The following KCTD8 variants were observed in gnomAD, a reference collection of about 807,000 sequenced individuals.
KCTD8 encodes potassium channel tetramerization domain containing 8.
In KCTD8, 27 loss-of-function variants were observed where a neutral mutation model predicts 31.5. The ratio of observed to expected loss-of-function variants is 0.86; its 90% CI spans 0.63 to 1.18. The LOEUF (loss-of-function observed/expected upper bound fraction) is 1.18. Ranked by LOEUF, KCTD8 falls within the 50% of genes most tolerant of loss-of-function variation. The probability of loss-of-function intolerance (pLI) is 0.00; values close to 1 mark genes in which losing one functional copy is unlikely to be tolerated. For missense variants in KCTD8, 658 were observed against 647.7 expected (o/e 1.02, Z -0.17); for synonymous variants, 290 against 280.0 (o/e 1.04, Z -0.36).
intron 1 of KCTD8, among the ~76,000 whole-genome samples, chr4:44,347,197 A>G (rs748454015): frequency 6.6e-6 from 1 of 152,246 alleles, no homozygotes; most frequent in Non-Finnish European, 1.5e-5. Flanking sequence ...CAAAGCTACT[A>G]TCATAGCTTA....
intron 1 of KCTD8, among the ~76,000 whole-genome samples, chr4:44,212,089 G>A (rs1220694788): frequency 6.6e-6 from 1 of 152,096 alleles, no homozygotes; most frequent in East Asian, 1.9e-4. Context: ...GTTGGTATGT[G>A]GCTATCAAAA....
intron 1 of KCTD8, among the ~76,000 whole-genome samples, chr4:44,374,063 G>C (rs1315081862): frequency 1.3e-5 from 2 of 152,060 alleles, no homozygotes. Context: ...GCACAATTTT[G>C]GCAATCTCCA....
In KCTD8 at chr4:44,369,728, G is replaced by T. The variant is rs562389331; in HGVS notation, c.961+77835C>A. Reference sequence around the variant, plus strand: ...GGGAGAGTCACCTTCAGCCAGGGGGGTTGTGGCTGCAGTGAGCCAAGATTG... The same window carrying T: ...GGGAGAGTCACCTTCAGCCAGGGGGTTTGTGGCTGCAGTGAGCCAAGATTG... On this transcript the variant is annotated intron_variant, in intron 1 of 1. Coordinates refer to ENST00000360029, the MANE Select transcript of KCTD8 (RefSeq NM_198353.3). Among the ~76,000 whole-genome samples, 199 of 152,140 alleles carry T rather than the reference G, an allele frequency of 1.3e-3. 1 individual carries two copies. Among genetic ancestry groups the T allele is most frequent in the African/African-American group, 4.6e-3 (192 of 41,510 alleles).
At chr4:44,367,548 G>C (rs1374971500) in intron 1 of KCTD8, among the ~76,000 whole-genome samples, 1 of 152,016 alleles carries the variant, frequency 6.6e-6, no homozygotes, top group Non-Finnish European at 1.5e-5. Context: ...AGAAAAATTA[G>C]AGTAAAAGGT....
chr4:44,180,587 GCACACACA>G (rs201708007), intron 1 of KCTD8, among the ~76,000 whole-genome samples: 5 of 139,128 alleles, frequency 3.6e-5, no homozygotes, highest in African/African-American at 5.5e-5. Context: ...ATACATACAT[GCACACACA>G]CACACACACA....
chr4:44,246,810 A>G (rs966516390), intron 1 of KCTD8, among the ~76,000 whole-genome samples: 1 of 152,000 alleles, frequency 6.6e-6, no homozygotes, highest in Non-Finnish European at 1.5e-5. Flanking sequence ...AATCCTTTTC[A>G]TCTTTCCCTG....
At chr4:44,271,556 T>C (rs560123388) in intron 1 of KCTD8, among the ~76,000 whole-genome samples, 10 of 152,214 alleles carry the variant, frequency 6.6e-5, no homozygotes, top group African/African-American at 2.4e-4. Context: ...GACATGTTTG[T>C]GATGGCCATG....
chr4:44,448,650 CG>C lies in KCTD8; in HGVS notation c.-128del. The C allele has an allele frequency of 9.5e-7, 1 of 1,055,444 alleles. No homozygotes were observed. The highest frequency in any genetic ancestry group is 4.3e-5 in the Admixed American group (1 of 23,480). 65.4% of individuals were successfully genotyped at this position (1,055,444 alleles called of 1,614,324 possible). A position where few individuals can be genotyped will look rare whatever the true frequency, so the allele number is the denominator to read the frequency against. On this transcript the variant is annotated 5_prime_UTR_variant, in exon 1 of 2. Coordinates refer to ENST00000360029, the MANE Select transcript of KCTD8 (RefSeq NM_198353.3). This position sits in a 1 kb window ranked among gnomAD's most constrained non-coding sequence, Gnocchi z 4.1. ...GGACTGGGCGGCGCGTTCCTCCGAC[CG>C]GGGCGGCCCCGCTCAGGGTTCGGGG...
chr4:44,271,263 T>C (rs527980655), intron 1 of KCTD8, among the ~76,000 whole-genome samples: 1 of 152,282 alleles, frequency 6.6e-6, no homozygotes, highest in East Asian at 1.9e-4. Flanking sequence ...AATATTTACA[T>C]AGAATACAAA....
At chr4:44,196,368 G>A (rs1713941390) in intron 1 of KCTD8, among the ~76,000 whole-genome samples, 1 of 152,138 alleles carries the variant, frequency 6.6e-6, no homozygotes, top group Non-Finnish European at 1.5e-5. Flanking sequence ...TACTTTTCTG[G>A]TAAGACACGA....
chr4:44,445,121 T>C (rs1186670008), intron 1 of KCTD8, among the ~76,000 whole-genome samples: 1 of 152,132 alleles, frequency 6.6e-6, no homozygotes, highest in Non-Finnish European at 1.5e-5. Context: ...TCAACTAAAC[T>C]GAATACGATG....
intron 1 of KCTD8, among the ~76,000 whole-genome samples, chr4:44,340,594 C>G (rs1016765088): frequency 3.9e-5 from 6 of 152,002 alleles, no homozygotes; most frequent in Non-Finnish European, 2.9e-5. Context: ...CAGGCGTGAG[C>G]CACCACGCCC....
intron 1 of KCTD8, among the ~76,000 whole-genome samples, chr4:44,273,794 C>T (rs1236533780): frequency 2.0e-5 from 3 of 151,880 alleles, no homozygotes; most frequent in East Asian, 3.9e-4. Flanking sequence ...ATAAAAATGA[C>T]TGATAAACCC....
chr4:44,328,999 C>G (rs988418056), intron 1 of KCTD8, among the ~76,000 whole-genome samples: 3 of 151,816 alleles, frequency 2.0e-5, no homozygotes, highest in African/African-American at 7.3e-5. Flanking sequence ...ACATAACTGA[C>G]AGATTATAAA....
chr4:44,323,942 T>A (rs1718374209), intron 1 of KCTD8, among the ~76,000 whole-genome samples: 1 of 151,534 alleles, frequency 6.6e-6, no homozygotes, highest in Non-Finnish European at 1.5e-5. Context: ...TACCTAATGC[T>A]AGATGACGAG....
At chr4:44,269,231 T>C (rs946389102) in intron 1 of KCTD8, among the ~76,000 whole-genome samples, 4 of 151,984 alleles carry the variant, frequency 2.6e-5, no homozygotes, top group Non-Finnish European at 5.9e-5. Flanking sequence ...TCAGAAATAA[T>C]GCCACATATC....
intron 1 of KCTD8, among the ~76,000 whole-genome samples, chr4:44,327,689 C>A (rs1466408753): frequency 6.6e-6 from 1 of 151,636 alleles, no homozygotes; most frequent in African/African-American, 2.4e-5. Context: ...AAAACAAAAA[C>A]CTTTTCTGTA....
rs139297351 is a variant in KCTD8 at position 44,373,429 on chromosome 4, C to T, written c.961+74134G>A. On this transcript the variant is annotated intron_variant, in intron 1 of 1. Coordinates refer to ENST00000360029, the MANE Select transcript of KCTD8 (RefSeq NM_198353.3). ...AGAGTGGGGCTGCCTGGGATCAAAT[C>T]CCAGCTCTGCAACTCACTCACTCTA... Among the ~76,000 whole-genome samples the T allele has an allele frequency of 3.2e-3, 484 of 151,912 alleles. 1 individual carries two copies. The highest frequency in any genetic ancestry group is 0.011 in the African/African-American group (458 of 41,442).
At chr4:44,435,978 G>A (rs1023828659) in intron 1 of KCTD8, among the ~76,000 whole-genome samples, 2 of 152,002 alleles carry the variant, frequency 1.3e-5, no homozygotes, top group African/African-American at 4.8e-5. Context: ...AATAAATATG[G>A]AAAACACAAA....
Sources: allele counts gnomAD v4.1 joint callset (sites outside exome capture counted in the v4.1 genomes callset), GRCh38; gene constraint gnomAD v4.1.1; non-coding constraint Gnocchi (gnomAD v3.1); transcripts MANE v1.5; gene names NCBI Gene and HGNC (gene_info 2026-07-23, HGNC 2026-07-21).